The following DHRSX variants were observed in gnomAD, a reference collection of about 807,000 sequenced individuals.
DHRSX encodes the protein dehydrogenase/reductase X-linked, also known as polyprenol dehydrogenase.
Under a neutral mutation model 34.0 loss-of-function variants are expected in DHRSX, and 31 were observed. The observed-to-expected ratio is 0.91, with a 90% confidence interval of 0.69 to 1.23. The LOEUF is 1.23. DHRSX is among the 50% of genes most tolerant of loss of function. The pLI, the probability that DHRSX is intolerant of heterozygous loss-of-function variation, is 0.00. For synonymous variants in DHRSX, 201 were observed against 183.8 expected (o/e 1.09, Z -0.76); for missense variants, 414 against 428.1 (o/e 0.97, Z 0.29).
At chrX:2,332,627 T>G (rs2042494566) in intron 3 of DHRSX, among the ~76,000 whole-genome samples, 1 of 152,158 alleles carries the variant, frequency 6.6e-6, no homozygotes, top group Non-Finnish European at 1.5e-5. Context: ...TCCACCCCAA[T>G]GCAGCCTCCA....
At chrX:2,255,441 T>A in intron 5 of DHRSX, among the ~76,000 whole-genome samples, 2 of 152,272 alleles carry the variant, frequency 1.3e-5, no homozygotes, top group South Asian at 4.1e-4. Context: ...ACTGGATGAT[T>A]TCACGGGATG....
At chrX:2,294,772 G>A (rs1180202185) in intron 3 of DHRSX, among the ~76,000 whole-genome samples, 3 of 150,514 alleles carry the variant, frequency 2.0e-5, no homozygotes, top group Non-Finnish European at 3.0e-5. Context: ...GAGAAAGAGA[G>A]AGAGAGAGAG....
intron 3 of DHRSX, among the ~76,000 whole-genome samples, chrX:2,354,652 G>A (rs1474143097): frequency 1.3e-5 from 2 of 152,024 alleles, no homozygotes; most frequent in African/African-American, 2.4e-5. Flanking sequence ...AGTAGAGATG[G>A]GGTTTCCCCA....
At chrX:2,462,279 C>T (rs1459233791) in intron 1 of DHRSX, among the ~76,000 whole-genome samples, 1 of 151,876 alleles carries the variant, frequency 6.6e-6, no homozygotes, top group Non-Finnish European at 1.5e-5. Context: ...GGCCCACTTG[C>T]CAAGAACAAT....
At chrX:2,330,124 CAGAG>C (rs369723923) in intron 3 of DHRSX, among the ~76,000 whole-genome samples, 2,452 of 62,474 alleles carry the variant, frequency 0.039, 155 homozygotes, top group African/African-American at 0.16. Flanking sequence ...GAGAGAGAGA[CAGAG>C]AGAAAGGAAG....
intron 1 of DHRSX, among the ~76,000 whole-genome samples, chrX:2,479,890 C>T (rs1400975239): frequency 6.6e-6 from 1 of 152,076 alleles, no homozygotes; most frequent in Non-Finnish European, 1.5e-5. Flanking sequence ...GAAGATGTTC[C>T]CTAAGCATGT....
chrX:2,408,425 G>A (rs1204920748), intron 3 of DHRSX, among the ~76,000 whole-genome samples: 5 of 152,150 alleles, frequency 3.3e-5, no homozygotes, highest in Non-Finnish European at 7.4e-5. Context: ...CTCCTGGCAT[G>A]TGCCCTGGAG....
chrX:2,482,137 T>A (rs1433491826), intron 1 of DHRSX, among the ~76,000 whole-genome samples: 1 of 150,230 alleles, frequency 6.7e-6, no homozygotes, highest in South Asian at 2.1e-4. Context: ...GGCTTTTTTT[T>A]TTTTTTTAGA....
intron 1 of DHRSX, among the ~76,000 whole-genome samples, chrX:2,445,885 C>G (rs1357400905): frequency 6.6e-6 from 1 of 151,136 alleles, no homozygotes; most frequent in African/African-American, 2.4e-5. Flanking sequence ...CCGCCATGTA[C>G]ACACTGAAGA....
At chrX:2,371,253 T>TTACCATAGTCCCTCC (rs2043056906) in intron 3 of DHRSX, among the ~76,000 whole-genome samples, 1 of 141,944 alleles carries the variant, frequency 7.0e-6, no homozygotes, top group African/African-American at 2.8e-5. Flanking sequence ...TAGTCCCTCC[T>TTACCATAGTCCCTCC]CCATTACCAT....
chrX:2,387,904 C>CAAAAAAAA (rs557047764), intron 3 of DHRSX, among the ~76,000 whole-genome samples: 13 of 73,932 alleles, frequency 1.8e-4, no homozygotes, highest in African/African-American at 7.4e-4. Context: ...CCCTCCCCTG[C>CAAAAAAAA]AAAAAAAAAA....
intron 3 of DHRSX, among the ~76,000 whole-genome samples, chrX:2,399,009 A>G (rs6642035): frequency 1.3e-5 from 2 of 151,628 alleles, no homozygotes; most frequent in South Asian, 2.1e-4. Flanking sequence ...CCCGCCACCA[A>G]GCCCAGCTAA....
chrX:2,386,671 G>C (rs1445644384), intron 3 of DHRSX, among the ~76,000 whole-genome samples: 2 of 152,124 alleles, frequency 1.3e-5, no homozygotes, highest in Non-Finnish European at 2.9e-5. Flanking sequence ...CCTTTGCCCA[G>C]GAGGAGGTAA....
At chrX:2,486,034 G>GGT (rs1435677175) in intron 1 of DHRSX, among the ~76,000 whole-genome samples, 1 of 151,676 alleles carries the variant, frequency 6.6e-6, no homozygotes, top group East Asian at 1.9e-4. Context: ...GGAAGAGAGG[G>GGT]GTGATAAGGA....
At chrX:2,282,534 G>A (rs1335262586) in intron 4 of DHRSX, among the ~76,000 whole-genome samples, 1 of 148,202 alleles carries the variant, frequency 6.7e-6, no homozygotes, top group African/African-American at 2.5e-5. Flanking sequence ...GGAAGAGAAA[G>A]GAGATAGGGA....
intron 3 of DHRSX, among the ~76,000 whole-genome samples, chrX:2,387,904 CAAAA>C (rs557047764): frequency 2.7e-5 from 2 of 73,932 alleles, no homozygotes; most frequent in Admixed American, 1.7e-4. Context: ...CCCTCCCCTG[CAAAA>C]AAAAAAAAAA....
At chrX:2,231,972 T>C (rs1462235496) in intron 6 of DHRSX, among the ~76,000 whole-genome samples, 1 of 141,390 alleles carries the variant, frequency 7.1e-6, no homozygotes, top group Non-Finnish European at 1.6e-5. Context: ...TCTGCCCTTC[T>C]TTCCTTTTCT....
chrX:2,442,366 T>G (rs991675021), intron 1 of DHRSX, among the ~76,000 whole-genome samples: 3 of 151,224 alleles, frequency 2.0e-5, no homozygotes, highest in Admixed American at 1.3e-4. Flanking sequence ...CCTATGGAGT[T>G]TACACCTGTG....
intron 3 of DHRSX, among the ~76,000 whole-genome samples, chrX:2,357,994 G>C (rs902570031): frequency 4.6e-5 from 7 of 152,058 alleles, no homozygotes; most frequent in African/African-American, 9.7e-5. Context: ...TTAGAGATTG[G>C]GACAAAAAGA....
Sources: allele counts gnomAD v4.1 joint callset (sites outside exome capture counted in the v4.1 genomes callset), GRCh38; gene constraint gnomAD v4.1.1; transcripts MANE v1.5; gene names NCBI Gene and HGNC (gene_info 2026-07-23, HGNC 2026-07-21).